CACNA1C: variants seen among roughly 807,000 people sequenced by gnomAD.
The protein encoded by CACNA1C is calcium voltage-gated channel subunit alpha1 C.
A neutral mutation model predicts 229.0 loss-of-function variants in CACNA1C; 30 were observed. The observed-to-expected ratio is 0.13, with a 90% CI of 0.10 to 0.18. The LOEUF (loss-of-function observed/expected upper bound fraction) is 0.18, where lower values mean the gene tolerates loss of function less well. Among genes scored for constraint, CACNA1C ranks in the 10% least tolerant of loss-of-function variants. The probability of loss-of-function intolerance (pLI) is 1.00; values close to 1 mark genes in which losing one functional copy is unlikely to be tolerated. For synonymous variants in CACNA1C, 1,114 were observed against 1,132.5 expected (o/e 0.98, Z 0.33); for missense variants, 1,658 against 2,845.0 (o/e 0.58, Z 9.49).
chr12:2,597,475 T>C lies in CACNA1C; in HGVS notation c.2853+186T>C, dbSNP rs372763350. On this transcript the variant is annotated intron_variant, in intron 21 of 46. Coordinates refer to ENST00000399655, the MANE Select transcript of CACNA1C (RefSeq NM_000719.7). The surrounding 1 kb of genome is among the most constrained non-coding windows in gnomAD (Gnocchi z 4.3). Reference sequence around the variant, plus strand: ...CAGACTATGTCTTCACTAGTATCTTTACATTAGAAATTATCCTTAAGGTAA... The same window carrying C: ...CAGACTATGTCTTCACTAGTATCTTCACATTAGAAATTATCCTTAAGGTAA... 6 of 1,607,956 alleles carry C rather than the reference T, an allele frequency of 3.7e-6. No individual in the cohort carries two copies. The African/African-American group carries it at 4.0e-5, about 11-fold the overall frequency.
In CACNA1C at chr12:2,403,789, G is replaced by A. The variant is rs1198908737; in HGVS notation, c.478-45187G>A. On this transcript the variant is annotated intron_variant, in intron 3 of 46. Transcript: ENST00000399655. This position sits in a 1 kb window ranked among gnomAD's most constrained non-coding sequence, Gnocchi z 4.1. ...ACTCAGGGGCTGCGTGGAGCACTCGGTGCCTTTCCCACCACAAGATGACGA... is the reference window on the plus strand; with the variant it reads ...ACTCAGGGGCTGCGTGGAGCACTCGATGCCTTTCCCACCACAAGATGACGA... 6.6e-6 allele frequency among the ~76,000 whole-genome samples: 1 copy of A among 152,144 alleles called. No individual in the cohort carries two copies. Among genetic ancestry groups the A allele is most frequent in the Non-Finnish European group, 1.5e-5 (1 of 68,022 alleles).
At chr12:2,430,478 A>G (rs1330276353) in intron 3 of CACNA1C, among the ~76,000 whole-genome samples, 3 of 152,118 alleles carry the variant, frequency 2.0e-5, no homozygotes, top group South Asian at 2.1e-4. Context: ...ACTAGTTCCC[A>G]GGACTGTTTA....
intron 42 of CACNA1C, among the ~76,000 whole-genome samples, chr12:2,681,302 C>A (rs2097134346): frequency 6.6e-6 from 1 of 152,218 alleles, no homozygotes; most frequent in Non-Finnish European, 1.5e-5. Context: ...AAAATACATG[C>A]AAAGCACCCG....
At chr12:2,143,357 A>T (rs2094439012) in intron 3 of CACNA1C, among the ~76,000 whole-genome samples, 1 of 151,008 alleles carries the variant, frequency 6.6e-6, no homozygotes, top group Admixed American at 6.7e-5. Context: ...TAGGCCCTCA[A>T]ATTCACTCAC....
intron 1 of CACNA1C, among the ~76,000 whole-genome samples, chr12:2,030,203 A>T (rs2047995972): frequency 6.6e-6 from 1 of 152,174 alleles, no homozygotes; most frequent in African/African-American, 2.4e-5. Context: ...TGAACATCTG[A>T]ACTGTAGAGG....
At chr12:2,157,392 G>T (rs1283536819) in intron 3 of CACNA1C, among the ~76,000 whole-genome samples, 1 of 152,210 alleles carries the variant, frequency 6.6e-6, no homozygotes. Context: ...TCTCTAATGG[G>T]GATAAAGCAA....
chr12:2,231,868 A>G (rs964782284), intron 3 of CACNA1C, among the ~76,000 whole-genome samples: 1 of 152,208 alleles, frequency 6.6e-6, no homozygotes, highest in Non-Finnish European at 1.5e-5. Flanking sequence ...AGCTTGTGAC[A>G]GAATGTAAAT....
chr12:2,292,789 G>A (rs1220880197), intron 3 of CACNA1C, among the ~76,000 whole-genome samples: 1 of 152,206 alleles, frequency 6.6e-6, no homozygotes, highest in Non-Finnish European at 1.5e-5. Context: ...TATGGGTGAA[G>A]GTCCAAGTGG....
intron 3 of CACNA1C, among the ~76,000 whole-genome samples, chr12:2,355,042 G>GT (rs1480808442): frequency 6.6e-6 from 1 of 152,106 alleles, no homozygotes; most frequent in Non-Finnish European, 1.5e-5. Flanking sequence ...ATTGTGTAAG[G>GT]TTGGATATTA....
rs71057834 is a variant in CACNA1C, at chr12:2,691,850, C to CGCCGCCGGGAAGGG, written c.*659_*660insGAAGGGGCCGCCGG. The CGCCGCCGGGAAGGG allele has an allele frequency of 1, 151,808 of 152,264 alleles. 75,682 individuals carry two copies. The highest frequency in any genetic ancestry group is 1 in the Middle Eastern group (292 of 292). 9.4% of individuals were successfully genotyped at this position (152,264 alleles called of 1,614,324 possible). ...CGCAGGCAGCGCGAGGGAGGAGCTG[C>CGCCGCCGGGAAGGG]GCCGCCGGCTCCGCCCAACCAGGTG... is the stretch of plus-strand genomic sequence containing the variant. On this transcript the variant is annotated 3_prime_UTR_variant, in exon 47 of 47. Coordinates refer to ENST00000399655, the MANE Select transcript of CACNA1C (RefSeq NM_000719.7).
At chr12:2,612,289 G>A (rs2078217639) in intron 29 of CACNA1C, 1 of 391,420 alleles carries the variant, frequency 2.6e-6, no homozygotes, top group Admixed American at 3.7e-5. Context: ...CCTCTCCTAG[G>A]AGAGGCAGGT....
intron 3 of CACNA1C, among the ~76,000 whole-genome samples, chr12:2,258,625 C>A (rs2078895666): frequency 3.3e-5 from 5 of 152,202 alleles, no homozygotes; most frequent in Non-Finnish European, 7.3e-5. Context: ...GGTTTCCCAA[C>A]CAGATTTAAT....
In CACNA1C at chr12:2,410,664, C is replaced by G. The variant is rs990001084; in HGVS notation, c.478-38312C>G. Among the ~76,000 whole-genome samples, 1 of 142,306 alleles carries G rather than the reference C, an allele frequency of 7.0e-6. No homozygotes were observed. Among genetic ancestry groups the G allele is most frequent in the Non-Finnish European group, 1.5e-5 (1 of 65,858 alleles). The allele number at this position is 142,306 out of a possible 152,430, so 93.4% of individuals were successfully genotyped here. ...GTGTGTGTGCATGCGTGTGTGTGTT[C>G]CAGGAGCTGACTCTAGCTGTGAGGA... On this transcript the variant is annotated intron_variant, in intron 3 of 46. Coordinates refer to ENST00000399655, the MANE Select transcript of CACNA1C (RefSeq NM_000719.7). This position sits in a 1 kb window ranked among gnomAD's most constrained non-coding sequence, Gnocchi z 5.3.
chr12:2,455,284 A>G (rs1047080918), intron 4 of CACNA1C, among the ~76,000 whole-genome samples: 1 of 152,220 alleles, frequency 6.6e-6, no homozygotes, highest in Non-Finnish European at 1.5e-5. Context: ...ACTTGTCTAT[A>G]CGGTAGCCAC....
intron 13 of CACNA1C, among the ~76,000 whole-genome samples, chr12:2,574,619 T>A (rs948387772): frequency 2.0e-5 from 3 of 152,166 alleles, no homozygotes; most frequent in Non-Finnish European, 4.4e-5. Flanking sequence ...GAGCTCCAGG[T>A]GAGAGCCGTT....
At chr12:2,075,261 C>T (rs1041090859) in intron 1 of CACNA1C, among the ~76,000 whole-genome samples, 1 of 152,162 alleles carries the variant, frequency 6.6e-6, no homozygotes. Flanking sequence ...CCTGGGGTGG[C>T]AGCCGCTCAC....
chr12:2,390,401 G>A (rs1299592888), intron 3 of CACNA1C, among the ~76,000 whole-genome samples: 2 of 152,154 alleles, frequency 1.3e-5, no homozygotes, highest in East Asian at 3.9e-4. Context: ...TAACATTACG[G>A]GACAGTCACT....
At chr12:2,482,662 G>A (rs770364754) in intron 5 of CACNA1C, among the ~76,000 whole-genome samples, 2 of 152,192 alleles carry the variant, frequency 1.3e-5, no homozygotes, top group African/African-American at 2.4e-5. Context: ...CCCCAGTCAG[G>A]CACTTCCTCA....
At chr12:2,641,585 C>A in intron 30 of CACNA1C, 1 of 619,564 alleles carries the variant, frequency 1.6e-6, no homozygotes, top group East Asian at 2.9e-5. Flanking sequence ...GGCAACAGCC[C>A]CCACCCCCAA....
Sources: gnomAD v4.1 joint callset for allele counts (sites outside exome capture counted in the v4.1 genomes callset) on GRCh38, gnomAD v4.1.1 for gene constraint, Gnocchi (gnomAD v3.1) non-coding constraint, MANE v1.5 for transcripts, NCBI Gene and HGNC (gene_info 2026-07-23, HGNC 2026-07-21) for gene names.